Variants in SLC9B2 observed in about 807,000 individuals in gnomAD.
SLC9B2 encodes sodium/hydrogen exchanger 9B2.
A neutral mutation model predicts 52.2 loss-of-function variants in SLC9B2; 39 were observed. That is an observed-to-expected ratio of 0.75 (90% CI 0.58 to 0.98). SLC9B2 has a LOEUF of 0.98. SLC9B2 is among the 50% of genes least tolerant of loss of function. SLC9B2 has a pLI of 0.00. For missense variants in SLC9B2, 626 were observed against 637.5 expected, an observed-to-expected ratio of 0.98 and a Z score of 0.19; for synonymous variants, 214 against 227.0, an observed-to-expected ratio of 0.94 and a Z score of 0.51.
chr4:103,044,130 A>G (rs1743889060), intron 8 of SLC9B2, among the ~76,000 whole-genome samples: 1 of 152,198 alleles, frequency 6.6e-6, no homozygotes, highest in South Asian at 2.1e-4. Context: ...CAAGCTCTGA[A>G]GGTGAATTAC....
At chr4:103,066,674 G>A (rs1333686942) in intron 2 of SLC9B2, among the ~76,000 whole-genome samples, 167 bp from the exon 3 acceptor site, 1 of 152,144 alleles carries the variant, frequency 6.6e-6, no homozygotes, top group African/African-American at 2.4e-5. Flanking sequence ...CTTGAAACAA[G>A]AATGATACTA....
intron 1 of SLC9B2, among the ~76,000 whole-genome samples, chr4:103,073,344 AG>A (rs916854734): frequency 6.6e-6 from 1 of 152,212 alleles, no homozygotes; most frequent in African/African-American, 2.4e-5. Flanking sequence ...TTGAACGTAT[AG>A]GTTCTCAGTC....
At chr4:103,049,788 G>GA (rs1744502311) in intron 5 of SLC9B2, among the ~76,000 whole-genome samples, 1 of 152,168 alleles carries the variant, frequency 6.6e-6, no homozygotes, top group African/African-American at 2.4e-5. Flanking sequence ...GAAGCAGGCA[G>GA]ATCACCTGAG....
intron 8 of SLC9B2, 28 bp downstream of exon 8, chr4:103,044,862 C>A: frequency 6.5e-7 from 1 of 1,538,302 alleles, no homozygotes; most frequent in Non-Finnish European, 9.0e-7. Context: ...TTTCAGAGCA[C>A]AACTTTCCCA....
chr4:103,053,796 G>A (rs1744893148), intron 4 of SLC9B2, among the ~76,000 whole-genome samples: 2 of 151,944 alleles, frequency 1.3e-5, no homozygotes, highest in South Asian at 4.2e-4. Flanking sequence ...TCTGCCTGCT[G>A]GGTTCAAGTG....
intron 1 of SLC9B2, among the ~76,000 whole-genome samples, chr4:103,074,819 CT>C (rs1222614048): frequency 1.3e-5 from 2 of 152,178 alleles, no homozygotes; most frequent in African/African-American, 4.8e-5. Flanking sequence ...TTCATTTCTG[CT>C]TTTTCTACTT....
intron 9 of SLC9B2, among the ~76,000 whole-genome samples, chr4:103,033,987 C>T (rs548161311): frequency 7.2e-4 from 110 of 152,090 alleles, no homozygotes; most frequent in African/African-American, 2.5e-3. Flanking sequence ...AAAAAGAGCC[C>T]GAATAGCCAA....
intron 3 of SLC9B2, chr4:103,065,566 C>T (rs141288368): frequency 6.6e-5 from 10 of 152,054 alleles, no homozygotes; most frequent in Non-Finnish European, 1.2e-4. Flanking sequence ...TTAAAAAAAC[C>T]TAATTTGCCT....
Position 103,047,108 on chromosome 4 carries a change from C to A in SLC9B2, c.832G>T (p.Asp278Tyr), listed in dbSNP as rs775214081. The A allele has an allele frequency of 6.2e-7, 1 of 1,613,906 alleles. No homozygotes were observed. The highest frequency in any genetic ancestry group is 1.7e-5 in the Admixed American group (1 of 59,976). ...AAGCCAGTGATGGCCAGAATGTCAT[C>A]GAAGCTGCCAGCTGCCATGAGCAAG... ...PTLLMAAGSF[D>Y]DILAITGFNT... Residue 278 changes from aspartate (D) to tyrosine (Y), a missense_variant, in exon 7 of 12, where the codon GAT becomes TAT. Asp to Tyr is a radical substitution (Grantham distance 160). Coordinates refer to ENST00000394785, the MANE Select transcript of SLC9B2 (RefSeq NM_178833.7).
intron 11 of SLC9B2, among the ~76,000 whole-genome samples, chr4:103,026,987 C>A (rs1342025467): frequency 6.6e-6 from 1 of 152,138 alleles, no homozygotes; most frequent in African/African-American, 2.4e-5. Flanking sequence ...AAGTGATCCT[C>A]CCTCCTTAGC....
chr4:103,061,580 T>C (rs1578475537), intron 3 of SLC9B2, among the ~76,000 whole-genome samples: 2 of 152,048 alleles, frequency 1.3e-5, no homozygotes, highest in African/African-American at 4.8e-5. Flanking sequence ...TAATGGGTGC[T>C]GCACACCAAC....
intron 4 of SLC9B2, among the ~76,000 whole-genome samples, chr4:103,051,654 T>C (rs1282594760): frequency 6.6e-6 from 1 of 152,214 alleles, no homozygotes; most frequent in African/African-American, 2.4e-5. Flanking sequence ...GACAAGTACA[T>C]ACTGTACCCC....
At chr4:103,044,451 T>C (rs201344609) in intron 8 of SLC9B2, among the ~76,000 whole-genome samples, 2 of 152,214 alleles carry the variant, frequency 1.3e-5, no homozygotes, top group East Asian at 3.8e-4. Flanking sequence ...TCTTGCTGTG[T>C]TGCCCAGACT....
chr4:103,031,882 G>A, intron 9 of SLC9B2, 74 bp from the exon 10 acceptor site: 1 of 1,443,240 alleles, frequency 6.9e-7, no homozygotes, highest in South Asian at 1.2e-5. Context: ...ATTAATTTGA[G>A]GTTTGAATTA....
At chr4:103,051,794 T>C (rs574980290) in intron 4 of SLC9B2, among the ~76,000 whole-genome samples, 1 of 152,310 alleles carries the variant, frequency 6.6e-6, no homozygotes, top group East Asian at 1.9e-4. Flanking sequence ...TGGACACAAA[T>C]AGGACACTTA....
intron 3 of SLC9B2, among the ~76,000 whole-genome samples, chr4:103,064,108 T>C (rs1745892834): frequency 6.6e-6 from 1 of 152,128 alleles, no homozygotes; most frequent in South Asian, 2.1e-4. Context: ...AAAGTAAAAA[T>C]GGTACTACCA....
At chr4:103,070,459 G>T (rs1328292284) in intron 1 of SLC9B2, among the ~76,000 whole-genome samples, 1 of 152,124 alleles carries the variant, frequency 6.6e-6, no homozygotes, top group Non-Finnish European at 1.5e-5. Context: ...TTTGATTTTT[G>T]AGACGAAGTC....
At chr4:103,031,832 C>T (rs1395397445) in intron 9 of SLC9B2, 24 bp from the exon 10 acceptor site, 9 of 1,586,440 alleles carry the variant, frequency 5.7e-6, no homozygotes, top group East Asian at 2.2e-5. Context: ...AAAACACACA[C>T]AGATTTTTAT....
chr4:103,050,396 A>G lies in SLC9B2; in HGVS notation c.443-14T>C. 6.4e-7 allele frequency: 1 copy of G among 1,567,048 alleles called. No homozygotes were observed. Among genetic ancestry groups the G allele is most frequent in the Non-Finnish European group, 8.6e-7 (1 of 1,160,144 alleles). On this transcript the variant is annotated splice_polypyrimidine_tract_variant and intron_variant, in intron 4 of 11. Coordinates refer to ENST00000394785, the MANE Select transcript of SLC9B2 (RefSeq NM_178833.7). ...CAAGCAGCATGCCTTGAACGAAGAA[A>G]TCAAACATATCTAGTTAGTTTTCAA... is the stretch of plus-strand genomic sequence containing the variant.
Sources: gnomAD v4.1 joint callset for allele counts (sites outside exome capture counted in the v4.1 genomes callset) on GRCh38, gnomAD v4.1.1 for gene constraint, MANE v1.5 for transcripts, NCBI Gene and HGNC (gene_info 2026-07-23, HGNC 2026-07-21) for gene names.